Variants in AKAP12 observed in about 807,000 individuals in gnomAD.
The protein encoded by AKAP12 is A-kinase anchoring protein 12.
In AKAP12, 32 loss-of-function variants were observed where a neutral mutation model predicts 79.9. That is an observed-to-expected ratio of 0.40 (90% CI 0.30 to 0.54). The LOEUF is 0.54. AKAP12 is among the 20% of genes least tolerant of loss of function. The probability of loss-of-function intolerance (pLI) is 0.48; values close to 1 mark genes in which losing one functional copy is unlikely to be tolerated. For synonymous variants in AKAP12, 808 were observed against 857.0 expected (o/e 0.94, Z 1.00); for missense variants, 2,074 against 2,177.0 (o/e 0.95, Z 0.94).
intron 2 of AKAP12, among the ~76,000 whole-genome samples, chr6:151,264,623 A>G (rs1473240422): frequency 6.6e-6 from 1 of 151,146 alleles, no homozygotes; most frequent in African/African-American, 2.4e-5. Context: ...GTGAGCCAAG[A>G]TCGTATCACT....
intron 2 of AKAP12, among the ~76,000 whole-genome samples, chr6:151,257,696 A>G (rs998224827): frequency 6.6e-5 from 10 of 152,354 alleles, no homozygotes; most frequent in African/African-American, 2.4e-4. Flanking sequence ...TGTTGCTGCA[A>G]AGGACATGAT....
rs755471220 is a variant in AKAP12, at chr6:151,325,073, T to C, written c.319+19170T>C. On this transcript the variant is annotated intron_variant, in intron 3 of 4. Transcript: ENST00000402676. The stretch of plus-strand genomic sequence containing the variant: ...TTGGTCAAGTGTTGAAGACAGCACT[T>C]GTTAGAAGGAACAAGTTCACTTCTG... The C allele has an allele frequency of 8.9e-4, 875 of 985,348 alleles. 1 individual carries two copies. The highest frequency in any genetic ancestry group is 1.0e-3 in the Non-Finnish European group (851 of 829,942). 61.0% of individuals were successfully genotyped at this position (985,348 alleles called of 1,614,324 possible). A position where few individuals can be genotyped will look rare whatever the true frequency, so the allele number is the denominator to read the frequency against.
chr6:151,340,000 C>T (rs1433916098), intron 3 of AKAP12, among the ~76,000 whole-genome samples: 1 of 151,860 alleles, frequency 6.6e-6, no homozygotes, highest in Non-Finnish European at 1.5e-5. Flanking sequence ...GATCTCAGCT[C>T]ACTGCGAGCC....
At chr6:151,293,825 C>T (rs1001574892) in intron 2 of AKAP12, among the ~76,000 whole-genome samples, 3 of 152,126 alleles carry the variant, frequency 2.0e-5, no homozygotes, top group Non-Finnish European at 4.4e-5. Context: ...GAGAGGACAC[C>T]CAGTGCAAGC....
chr6:151,292,273 TTC>T lies in AKAP12; in HGVS notation c.163-13470_163-13469del, dbSNP rs200550433. 6.5e-3 allele frequency among the ~76,000 whole-genome samples: 987 copies of T among 152,366 alleles called. 15 individuals are homozygous for T. The highest frequency in any genetic ancestry group is 0.023 in the African/African-American group (945 of 41,586). ...AGACAAGCAATTTTGCTTGTTCTTT[TTC>T]TCTTTCAGTCGAATGGAGCATGGAC... On this transcript the variant is annotated intron_variant, in intron 2 of 4. Transcript: ENST00000402676.
intron 4 of AKAP12, among the ~76,000 whole-genome samples, chr6:151,354,532 C>G (rs1019805925): frequency 1.3e-5 from 2 of 152,026 alleles, no homozygotes; most frequent in Admixed American, 1.3e-4. Flanking sequence ...CGCCACCATA[C>G]CCAGCTAATT....
At chr6:151,332,395 C>T (rs1049267215) in intron 3 of AKAP12, among the ~76,000 whole-genome samples, 3 of 152,048 alleles carry the variant, frequency 2.0e-5, no homozygotes, top group African/African-American at 7.2e-5. Flanking sequence ...TGGGTATATT[C>T]AGAAAATTAA....
At chr6:151,245,647 A>C (rs1331132747) in intron 2 of AKAP12, among the ~76,000 whole-genome samples, 4 of 110,102 alleles carry the variant, frequency 3.6e-5, no homozygotes, top group Admixed American at 1.2e-4. Flanking sequence ...ACAGAGAGAG[A>C]CTCCGTCTCA....
intron 3 of AKAP12, among the ~76,000 whole-genome samples, chr6:151,345,895 ATGTGTGTGTGTGTGTGTG>A (rs367643775): frequency 7.8e-6 from 1 of 128,876 alleles, no homozygotes; most frequent in Non-Finnish European, 1.6e-5. Context: ...GTGTGTGTAT[ATGTGTGTGTGTGTGTGTG>A]TGTGTGTGTG....
At position 151,357,734 on chromosome 6, in the gene AKAP12, C is replaced by T. The variant is rs1441809451; in HGVS notation, c.*2020C>T. 2 of 131,090 alleles carry T rather than the reference C, an allele frequency of 1.5e-5. No individual in the cohort carries two copies. The highest frequency in any genetic ancestry group is 2.4e-4 in the South Asian group (1 of 4,192). The allele number at this position is 131,090 out of a possible 1,614,324, so 8.1% of individuals were successfully genotyped here. On this transcript the variant is annotated 3_prime_UTR_variant, in exon 5 of 5. Coordinates refer to ENST00000402676, the MANE Select transcript of AKAP12 (RefSeq NM_005100.4). ...ATTTTTTTTTTTTTTTTTTTTTGGC[C>T]AACTGAGATTGAAATCCAAGTGCTG...
chr6:151,336,716 C>T (rs987420368), intron 3 of AKAP12, among the ~76,000 whole-genome samples: 1 of 152,184 alleles, frequency 6.6e-6, no homozygotes, highest in African/African-American at 2.4e-5. Flanking sequence ...GCACTCCAGC[C>T]TGGGCGACAG....
At chr6:151,324,746 CAA>C in intron 3 of AKAP12, 19 of 985,276 alleles carry the variant, frequency 1.9e-5, no homozygotes, top group Non-Finnish European at 2.3e-5. Context: ...CCCACCCTAA[CAA>C]AAAATTGGAG....
At chr6:151,333,089 C>G (rs79681666) in intron 3 of AKAP12, among the ~76,000 whole-genome samples, 416 of 152,262 alleles carry the variant, frequency 2.7e-3, no homozygotes, top group African/African-American at 9.5e-3. Context: ...TTTGGTTTTC[C>G]TCTTTGTAGC....
chr6:151,254,569 T>A (rs1797254070), intron 2 of AKAP12, among the ~76,000 whole-genome samples: 1 of 152,124 alleles, frequency 6.6e-6, no homozygotes, highest in Admixed American at 6.6e-5. Flanking sequence ...CAGACTGATG[T>A]CGAACTCTTG....
chr6:151,259,892 T>C (rs992741725), intron 2 of AKAP12, among the ~76,000 whole-genome samples: 2 of 132,114 alleles, frequency 1.5e-5, no homozygotes, highest in African/African-American at 6.6e-5. Context: ...TTTTCTTCAA[T>C]GTAACTTTCT....
intron 2 of AKAP12, among the ~76,000 whole-genome samples, chr6:151,261,496 C>T (rs1797432949): frequency 6.6e-6 from 1 of 151,780 alleles, no homozygotes; most frequent in Non-Finnish European, 1.5e-5. Context: ...TTCGAGACCA[C>T]GCAAAAATAC....
chr6:151,345,685 T>G (rs1778074516), intron 3 of AKAP12, among the ~76,000 whole-genome samples: 1 of 150,666 alleles, frequency 6.6e-6, no homozygotes, highest in South Asian at 2.1e-4. Context: ...TAGTCCCAGC[T>G]ACTCGGGAGG....
chr6:151,332,033 G>GTTGTTTTTTTTTTTTTTTT (rs1303327962), intron 3 of AKAP12, among the ~76,000 whole-genome samples: 1 of 79,690 alleles, frequency 1.3e-5, no homozygotes, highest in Admixed American at 1.3e-4. Context: ...TTCTGGGTCT[G>GTTGTTTTTTTTTTTTTTTT]TTTTTTTTTT....
chr6:151,311,067 A>G lies in AKAP12; in HGVS notation c.319+5164A>G, dbSNP rs75087868. ...GACGTAGCCTCAAACTTCTGGGCAC[A>G]TGTGATCCTCCTGGCTCAGCCTTCC... On this transcript the variant is annotated intron_variant, in intron 3 of 4. Coordinates refer to ENST00000402676, the MANE Select transcript of AKAP12 (RefSeq NM_005100.4). 9.1e-3 allele frequency among the ~76,000 whole-genome samples: 1,380 copies of G among 152,268 alleles called. 22 individuals are homozygous for G. The highest frequency in any genetic ancestry group is 0.032 in the African/African-American group (1,312 of 41,550).
Sources: allele counts gnomAD v4.1 joint callset (sites outside exome capture counted in the v4.1 genomes callset), GRCh38; gene constraint gnomAD v4.1.1; transcripts MANE v1.5; gene names NCBI Gene and HGNC (gene_info 2026-07-23, HGNC 2026-07-21).